The following CLSTN1 variants were observed in gnomAD, a reference collection of about 807,000 sequenced individuals.
CLSTN1 encodes calsyntenin 1, also known as calsyntenin-1.
CLSTN1 carries 28 observed loss-of-function variants against 108.3 expected under a neutral mutation model. That is an observed-to-expected ratio of 0.26 (90% CI 0.19 to 0.35). CLSTN1 has a LOEUF of 0.35. Ranked by LOEUF, CLSTN1 falls within the 10% of genes least tolerant of loss-of-function variation. The pLI is 1.00. For missense variants in CLSTN1, 1,157 were observed against 1,302.6 expected (o/e 0.89, Z 1.72); for synonymous variants, 524 against 534.9 (o/e 0.98, Z 0.28).
intron 17 of CLSTN1, 62 bp from the exon 18 acceptor site, chr1:9,731,452 G>A: frequency 1.3e-6 from 2 of 1,544,982 alleles, no homozygotes; most frequent in Non-Finnish European, 1.8e-6. Flanking sequence ...CTGTGCCCTT[G>A]ACCTCCTCGG....
intron 2 of CLSTN1, among the ~76,000 whole-genome samples, chr1:9,767,777 AGTCT>A (rs1158109447): frequency 6.6e-6 from 1 of 152,206 alleles, no homozygotes; most frequent in Non-Finnish European, 1.5e-5. Context: ...TACTTAAGAA[AGTCT>A]GTAAGAAAAT....
At chr1:9,797,558 G>A (rs753198296) in intron 1 of CLSTN1, among the ~76,000 whole-genome samples, 1 of 152,050 alleles carries the variant, frequency 6.6e-6, no homozygotes, top group Non-Finnish European at 1.5e-5. Context: ...GGAGGATCAT[G>A]TGAGCCCAGG....
chr1:9,813,291 A>T (rs2101328059), intron 1 of CLSTN1, among the ~76,000 whole-genome samples: 1 of 152,168 alleles, frequency 6.6e-6, no homozygotes, highest in South Asian at 2.1e-4. Flanking sequence ...TGAGCTCAGG[A>T]GTTCAAGACC....
chr1:9,783,132 A>G (rs1653327086), intron 1 of CLSTN1, among the ~76,000 whole-genome samples: 1 of 152,200 alleles, frequency 6.6e-6, no homozygotes, highest in African/African-American at 2.4e-5. Flanking sequence ...ATATCAGTCA[A>G]CCCAGTACAC....
chr1:9,774,408 A>G (rs533622033), intron 1 of CLSTN1, among the ~76,000 whole-genome samples: 1 of 152,124 alleles, frequency 6.6e-6, no homozygotes, highest in East Asian at 1.9e-4. Context: ...TTTACTAAAA[A>G]TACAAAAATG....
intron 1 of CLSTN1, among the ~76,000 whole-genome samples, chr1:9,809,459 G>A (rs917866015): frequency 2.6e-5 from 4 of 151,990 alleles, no homozygotes; most frequent in African/African-American, 4.8e-5. Flanking sequence ...GCCTCTCCTC[G>A]GTACTCATGC....
At chr1:9,769,202 G>A (rs1652546489) in intron 2 of CLSTN1, among the ~76,000 whole-genome samples, 1 of 151,694 alleles carries the variant, frequency 6.6e-6, no homozygotes, top group Admixed American at 6.6e-5. Context: ...ACGGCTGCAG[G>A]TCAGGTGCTC....
chr1:9,800,657 G>C (rs1654223312), intron 1 of CLSTN1, among the ~76,000 whole-genome samples: 1 of 150,786 alleles, frequency 6.6e-6, no homozygotes, highest in Admixed American at 6.6e-5. Flanking sequence ...GTGAACCCAG[G>C]AAGCGGACCT....
rs1394324940 is a variant in CLSTN1, at chr1:9,751,566, C to T, written c.556G>A (p.Glu186Lys). Residue 186 changes from glutamate (E) to lysine (K), a missense_variant, in exon 5 of 19, where the codon GAG becomes AAG. Coordinates refer to ENST00000377298, the MANE Select transcript of CLSTN1 (RefSeq NM_001009566.3). ...GKQYDSILRV[E>K]AVDADCSPQF... ...GGGGAGCAGTCGGCATCCACGGCCT[C>T]CACCCTCAAAATGCTGTCGTACTGC... 6.2e-7 allele frequency: 1 copy of T among 1,614,168 alleles called. No individual in the cohort carries two copies. Among genetic ancestry groups the T allele is most frequent in the South Asian group, 1.1e-5 (1 of 91,082 alleles).
chr1:9,820,437 T>C (rs765685173), intron 1 of CLSTN1, among the ~76,000 whole-genome samples: 1 of 152,106 alleles, frequency 6.6e-6, no homozygotes, highest in African/African-American at 2.4e-5. Flanking sequence ...AAGAATCTCT[T>C]GAACCCGGGA....
intron 1 of CLSTN1, among the ~76,000 whole-genome samples, chr1:9,778,223 A>AACACAC (rs57372437): frequency 0.063 from 8,498 of 134,388 alleles, 341 homozygotes; most frequent in African/African-American, 0.098. Context: ...TCTCCTCCCC[A>AACACAC]ACACACACAC....
intron 2 of CLSTN1, among the ~76,000 whole-genome samples, chr1:9,771,799 G>A (rs1652696392): frequency 6.6e-6 from 1 of 152,038 alleles, no homozygotes; most frequent in African/African-American, 2.4e-5. Context: ...CTGGTTCACG[G>A]GTGACTGTGC....
chr1:9,742,985 C>G (rs1231681567), intron 9 of CLSTN1, among the ~76,000 whole-genome samples: 1 of 152,008 alleles, frequency 6.6e-6, no homozygotes, highest in Non-Finnish European at 1.5e-5. Flanking sequence ...TTTCCTTTCT[C>G]ATTTATTCTC....
intron 7 of CLSTN1, among the ~76,000 whole-genome samples, chr1:9,745,713 T>C (rs1651225315): frequency 6.6e-6 from 1 of 151,476 alleles, no homozygotes; most frequent in African/African-American, 2.4e-5. Flanking sequence ...ATAATACATA[T>C]ATATTCCTAG....
intron 4 of CLSTN1, among the ~76,000 whole-genome samples, chr1:9,753,281 G>A (rs1471100346): frequency 3.3e-5 from 5 of 152,102 alleles, no homozygotes; most frequent in Admixed American, 6.6e-5. Flanking sequence ...ATGCTCACTC[G>A]CTCACATGCT....
intron 7 of CLSTN1, among the ~76,000 whole-genome samples, chr1:9,745,223 C>T (rs1190112935): frequency 1.8e-4 from 21 of 117,666 alleles, no homozygotes; most frequent in Non-Finnish European, 2.4e-4. Flanking sequence ...AGCGAGACTC[C>T]GTCTCAAAAA....
At chr1:9,753,349 C>T (rs1002752509) in intron 4 of CLSTN1, among the ~76,000 whole-genome samples, 6 of 152,092 alleles carry the variant, frequency 3.9e-5, no homozygotes, top group Admixed American at 1.3e-4. Context: ...TACTGGCCCA[C>T]GTCCTGAGGT....
chr1:9,766,876 G>T (rs1652362063), intron 2 of CLSTN1, among the ~76,000 whole-genome samples: 1 of 152,208 alleles, frequency 6.6e-6, no homozygotes, highest in South Asian at 2.1e-4. Flanking sequence ...GATTAGTGAT[G>T]ACTTACAAGG....
At chr1:9,790,124 C>A (rs1270869058) in intron 1 of CLSTN1, among the ~76,000 whole-genome samples, 1 of 151,390 alleles carries the variant, frequency 6.6e-6, no homozygotes, top group African/African-American at 2.4e-5. Flanking sequence ...CAAGACTTTT[C>A]TCGCTCTGTA....
Sources: allele counts gnomAD v4.1 joint callset (sites outside exome capture counted in the v4.1 genomes callset), GRCh38; gene constraint gnomAD v4.1.1; transcripts MANE v1.5; gene names NCBI Gene and HGNC (gene_info 2026-07-23, HGNC 2026-07-21).